DYNLT5: variants seen among roughly 807,000 people sequenced by gnomAD.
DYNLT5 encodes the protein dynein light chain Tctex-type family member 5, also known as dynein light chain Tctex-type 5.
In DYNLT5, 25 loss-of-function variants were observed where a neutral mutation model predicts 19.3. The observed-to-expected ratio is 1.30, with a 90% CI of 0.95 to 1.81. The LOEUF is 1.81. Ranked by LOEUF, DYNLT5 falls within the 40% of genes most tolerant of loss-of-function variation. The pLI, the probability that DYNLT5 is intolerant of heterozygous loss-of-function variation, is 0.00. For missense variants in DYNLT5, 232 were observed against 217.9 expected (o/e 1.06, Z -0.41); for synonymous variants, 82 against 68.9 (o/e 1.19, Z -0.94).
At chr1:66,769,273 C>A (rs574277078) in intron 2 of DYNLT5, among the ~76,000 whole-genome samples, 1 of 152,234 alleles carries the variant, frequency 6.6e-6, no homozygotes, top group African/African-American at 2.4e-5. Flanking sequence ...CCATCATTTT[C>A]TTGGGCTGAG....
At chr1:66,753,085 A>C (rs916484499) in intron 1 of DYNLT5, among the ~76,000 whole-genome samples, 14 of 152,158 alleles carry the variant, frequency 9.2e-5, no homozygotes, top group Non-Finnish European at 2.9e-5. Flanking sequence ...ACACTTATAC[A>C]CACAGGCACC....
At chr1:66,768,043 A>C (rs1214314952) in intron 2 of DYNLT5, among the ~76,000 whole-genome samples, 5 of 152,240 alleles carry the variant, frequency 3.3e-5, no homozygotes, top group African/African-American at 1.2e-4. Flanking sequence ...GAAAGTAAAT[A>C]AGAGTCCCTG....
intron 2 of DYNLT5, among the ~76,000 whole-genome samples, chr1:66,763,022 A>C (rs1264054992): frequency 6.6e-6 from 1 of 152,202 alleles, no homozygotes; most frequent in Non-Finnish European, 1.5e-5. Context: ...AAATACAAAA[A>C]TAAGTAAATA....
chr1:66,758,174 A>T lies in DYNLT5; in HGVS notation c.119+3397A>T, dbSNP rs2094639852. On this transcript the variant is annotated intron_variant, in intron 2 of 4. Coordinates refer to ENST00000282670, the MANE Select transcript of DYNLT5 (RefSeq NM_152665.3). ...TTCATTTCCTGAAAATTGGCAATCC[A>T]TGTGTGATTTGCATTAATAAAACTA... is the stretch of plus-strand genomic sequence containing the variant. Among the ~76,000 whole-genome samples, 4 of 152,312 alleles carry T rather than the reference A, an allele frequency of 2.6e-5. No individual in the cohort carries two copies. In the South Asian group the frequency reaches 8.3e-4, roughly 32 times the overall value.
At chr1:66,756,743 A>G (rs1004593613) in intron 2 of DYNLT5, among the ~76,000 whole-genome samples, 1 of 152,188 alleles carries the variant, frequency 6.6e-6, no homozygotes, top group African/African-American at 2.4e-5. Flanking sequence ...TATGAGATAC[A>G]AAGTCCACAG....
chr1:66,760,803 G>C lies in DYNLT5; in HGVS notation c.119+6026G>C, dbSNP rs7524091. Among the ~76,000 whole-genome samples the C allele has an allele frequency of 2.6e-4, 40 of 152,144 alleles. No individual in the cohort carries two copies. The East Asian group carries it at 6.8e-3, about 26-fold the overall frequency. On this transcript the variant is annotated intron_variant, in intron 2 of 4. Transcript: ENST00000282670. ...GAGCTGCAACAAAAGTTCATCAGCT[G>C]TGCTTAACTATCACCTCCCTTGCTC...
intron 2 of DYNLT5, among the ~76,000 whole-genome samples, chr1:66,759,832 A>G (rs774124171): frequency 3.3e-5 from 5 of 152,196 alleles, no homozygotes; most frequent in Non-Finnish European, 7.3e-5. Context: ...TCAGAGTAAG[A>G]GCTTACAGAA....
At chr1:66,770,088 GT>G (rs1418123945) in intron 2 of DYNLT5, among the ~76,000 whole-genome samples, 1 of 152,114 alleles carries the variant, frequency 6.6e-6, no homozygotes, top group African/African-American at 2.4e-5. Flanking sequence ...AGTATGTACT[GT>G]TACCCCATAC....
intron 2 of DYNLT5, among the ~76,000 whole-genome samples, chr1:66,760,128 A>G (rs1232810334): frequency 6.6e-6 from 1 of 151,880 alleles, no homozygotes. Context: ...TCCTCCACCC[A>G]CTTCCAAACT....
chr1:66,757,876 C>T (rs2150859575), intron 2 of DYNLT5, among the ~76,000 whole-genome samples: 1 of 152,264 alleles, frequency 6.6e-6, no homozygotes, highest in Non-Finnish European at 1.5e-5. Context: ...AGGACACAGC[C>T]ATTCCTATTC....
In DYNLT5 at chr1:66,770,296, C is replaced by T. The variant is rs765041750; in HGVS notation, c.120-91C>T. 3 of 877,864 alleles carry T rather than the reference C, an allele frequency of 3.4e-6. No individual in the cohort carries two copies. In the East Asian group the frequency reaches 7.5e-5, roughly 22 times the overall value. 54.4% of individuals were successfully genotyped at this position (877,864 alleles called of 1,614,324 possible). ...TACTTGAAATTTTCTGAGAAAACTT[C>T]ATCTTTGTAACATTTTAGCTTAAAG... On this transcript the variant is annotated intron_variant, in intron 2 of 4. Transcript: ENST00000282670.
At chr1:66,769,341 G>A (rs1645187975) in intron 2 of DYNLT5, among the ~76,000 whole-genome samples, 3 of 152,110 alleles carry the variant, frequency 2.0e-5, no homozygotes, top group African/African-American at 7.2e-5. Context: ...TTTAAAAATA[G>A]ATTACCCGTG....
At chr1:66,757,888 C>T (rs2094639198) in intron 2 of DYNLT5, among the ~76,000 whole-genome samples, 1 of 152,192 alleles carries the variant, frequency 6.6e-6, no homozygotes, top group African/African-American at 2.4e-5. Context: ...TTCCTATTCA[C>T]TTGTGCGTTG....
chr1:66,771,670 A>G (rs988634742), intron 3 of DYNLT5, among the ~76,000 whole-genome samples: 1 of 152,080 alleles, frequency 6.6e-6, no homozygotes, highest in Non-Finnish European at 1.5e-5. Flanking sequence ...CTACCCTTTA[A>G]CTTTTCAGTT....
chr1:66,753,752 C>T (rs72922038), intron 1 of DYNLT5, among the ~76,000 whole-genome samples: 2,896 of 152,090 alleles, frequency 0.019, 82 homozygotes, highest in African/African-American at 0.066. Context: ...AGATTAAGGC[C>T]AGCCTGGGCA....
intron 3 of DYNLT5, among the ~76,000 whole-genome samples, chr1:66,774,191 A>AGG (rs1285401423): frequency 1.3e-5 from 2 of 152,096 alleles, no homozygotes; most frequent in Non-Finnish European, 2.9e-5. Flanking sequence ...CCTCCTTACC[A>AGG]CCATGAAAAA....
At chr1:66,753,965 A>G (rs1423368277) in intron 1 of DYNLT5, among the ~76,000 whole-genome samples, 1 of 146,656 alleles carries the variant, frequency 6.8e-6, no homozygotes, top group Non-Finnish European at 1.5e-5. Context: ...ATAATAAAAT[A>G]GGCCAGGTAG....
Position 66,776,370 on chromosome 1 carries a change from G to A in DYNLT5, c.303G>A (p.Glu101=), listed in dbSNP as rs1261119354. ...TACAAGTAGAAGAATATGAACCAGA[G>A]CTCTGTAGACAGATGACTAAAACCA... is the stretch of plus-strand genomic sequence containing the variant. ...SYLQVEEYEP[E]LCRQMTKTIS... Residue 101 remains glutamate (E), a synonymous_variant, in exon 4 of 5, where the codon GAG becomes GAA. Coordinates refer to ENST00000282670, the MANE Select transcript of DYNLT5 (RefSeq NM_152665.3). The A allele has an allele frequency of 2.5e-6, 4 of 1,612,236 alleles. No homozygotes were observed. The highest frequency in any genetic ancestry group is 2.7e-5 in the African/African-American group (2 of 74,832).
At chr1:66,770,999 C>T (rs1483020722) in intron 3 of DYNLT5, 1 of 165,188 alleles carries the variant, frequency 6.1e-6, no homozygotes, top group Non-Finnish European at 1.3e-5. Flanking sequence ...AATATCTTTT[C>T]CCATCCATGT....
Sources: allele counts gnomAD v4.1 joint callset (sites outside exome capture counted in the v4.1 genomes callset), GRCh38; gene constraint gnomAD v4.1.1; transcripts MANE v1.5; gene names NCBI Gene and HGNC (gene_info 2026-07-23, HGNC 2026-07-21).